Variants in RIMKLB observed in about 807,000 individuals in gnomAD.
The protein encoded by RIMKLB is ribosomal modification protein rimK like family member B.
In RIMKLB, 7 loss-of-function variants were observed where a neutral mutation model predicts 32.0. That is an observed-to-expected ratio of 0.22 (90% CI 0.12 to 0.41). The LOEUF (loss-of-function observed/expected upper bound fraction) is 0.41, where lower values mean the gene tolerates loss of function less well. Ranked by LOEUF, RIMKLB falls within the 10% of genes least tolerant of loss-of-function variation. The pLI is 1.00. For missense variants in RIMKLB, 289 were observed against 498.7 expected, an observed-to-expected ratio of 0.58 and a Z score of 4.00; for synonymous variants, 172 against 185.1, an observed-to-expected ratio of 0.93 and a Z score of 0.57.
rs1950631948 is a variant in RIMKLB at position 8,774,821 on chromosome 12, T to C, written c.*1037T>C. The C allele has an allele frequency of 1.0e-6, 1 of 985,624 alleles. No individual in the cohort carries two copies. Among genetic ancestry groups the C allele is most frequent in the Non-Finnish European group, 1.2e-6 (1 of 829,906 alleles). The allele number at this position is 985,624 out of a possible 1,614,324, so 61.1% of individuals were successfully genotyped here. On this transcript the variant is annotated 3_prime_UTR_variant, in exon 6 of 6. Transcript: ENST00000535829. Reference sequence around the variant, plus strand: ...AGTTCTAAGTATAAAGCTGAAGTGATTTCGAATGCCAGCGTTATATATTTG... The same window carrying C: ...AGTTCTAAGTATAAAGCTGAAGTGACTTCGAATGCCAGCGTTATATATTTG...
At chr12:8,714,642 T>C (rs573413264) in intron 2 of RIMKLB, among the ~76,000 whole-genome samples, 1 of 152,160 alleles carries the variant, frequency 6.6e-6, no homozygotes, top group Non-Finnish European at 1.5e-5. Context: ...TTTTAATATT[T>C]CATATTTGTT....
Position 8,713,907 on chromosome 12 carries a change from A to G in RIMKLB, c.41A>G (p.Asp14Gly). The G allele has an allele frequency of 6.2e-7, 1 of 1,614,170 alleles. No individual in the cohort carries two copies. Among genetic ancestry groups the G allele is most frequent in the South Asian group, 1.1e-5 (1 of 91,080 alleles). The part of the protein sequence containing the change: ...SVAAKLWFLT[D>G]RRIREDYPQK... ...GCTGCCAAGTTGTGGTTTTTGACAG[A>G]TCGTCGCATCAGGGAAGACTATCCT... The change falls in exon 2 of 6, where the codon GAT becomes GGT. Residue 14 changes from aspartate to glycine, a missense_variant. By Grantham distance (94) the Asp-to-Gly change is moderately conservative (BLOSUM62 -1). Around this residue, in one of 3 missense-constraint regions of RIMKLB, gnomAD observed 34 missense variants for 35.3 expected, o/e 0.96. Coordinates refer to ENST00000535829, the MANE Select transcript of RIMKLB (RefSeq NM_001297776.2).
downstream of RIMKLB, among the ~76,000 whole-genome samples, chr12:8,778,083 AT>A (rs1249242919): frequency 6.6e-6 from 1 of 151,994 alleles, no homozygotes; most frequent in Non-Finnish European, 1.5e-5. Context: ...CAGAGTGTGA[AT>A]TTTTTGGCTT....
intron 1 of RIMKLB, 142 bp downstream of exon 1, chr12:8,698,439 G>T (rs1040254994): frequency 6.4e-6 from 1 of 155,862 alleles, no homozygotes; most frequent in African/African-American, 2.4e-5. Flanking sequence ...GCGCGCCCGG[G>T]GTCCGGGGCT....
rs1379762581 is a variant in RIMKLB, at chr12:8,714,206, TTTA to T, written c.175+169_175+171del. On this transcript the variant is annotated intron_variant, in intron 2 of 5. Coordinates refer to ENST00000535829, the MANE Select transcript of RIMKLB (RefSeq NM_001297776.2). ...TATGAAAGTAATATAAACACTAATA[TTTA>T]TTAACTTTATTAGGAAACAGTTGTG... 5.4e-6 allele frequency: 3 copies of T among 553,040 alleles called. No homozygotes were observed. In the East Asian group the frequency reaches 9.2e-5, roughly 17 times the overall value. 34.3% of individuals were successfully genotyped at this position (553,040 alleles called of 1,614,324 possible). A position where few individuals can be genotyped will look rare whatever the true frequency, so the allele number is the denominator to read the frequency against.
At chr12:8,673,875 G>A in the RIMKLB span, among the ~76,000 whole-genome samples, 99 of 152,042 alleles carry the variant, frequency 6.5e-4, 2 homozygotes, top group Non-Finnish European at 1.2e-3. Context: ...GGGATTACAG[G>A]AGTGAGCCAC....
intron 2 of RIMKLB, among the ~76,000 whole-genome samples, chr12:8,744,386 C>T (rs1245721283): frequency 1.3e-5 from 2 of 151,870 alleles, no homozygotes; most frequent in East Asian, 3.8e-4. Flanking sequence ...AACAGATAGG[C>T]TGTTTATACT....
At chr12:8,673,030 C>T in the RIMKLB span, among the ~76,000 whole-genome samples, 2 of 151,998 alleles carry the variant, frequency 1.3e-5, no homozygotes, top group South Asian at 2.1e-4. Context: ...TACAGGTGCC[C>T]GCCACCATGC....
chr12:8,755,306 G>T (rs1385427111), intron 5 of RIMKLB, among the ~76,000 whole-genome samples: 1 of 149,498 alleles, frequency 6.7e-6, no homozygotes, highest in Non-Finnish European at 1.5e-5. Context: ...TCCCTATGTT[G>T]CTCAGGCTGG....
At position 8,776,352 on chromosome 12, in the gene RIMKLB, G is replaced by A; in HGVS notation, c.*2568G>A. 1 of 983,048 alleles carries A rather than the reference G, an allele frequency of 1.0e-6. No homozygotes were observed. The highest frequency in any genetic ancestry group is 1.2e-6 in the Non-Finnish European group (1 of 827,782). The allele number at this position is 983,048 out of a possible 1,614,324, so 60.9% of individuals were successfully genotyped here. On this transcript the variant is annotated 3_prime_UTR_variant, in exon 6 of 6. Coordinates refer to ENST00000535829, the MANE Select transcript of RIMKLB (RefSeq NM_001297776.2). ...CTTCTTGAATTCCTTCAAGATTGAG[G>A]TAGAGAATAAGAGCAAATCATTCTG...
At chr12:8,673,499 A>G in the RIMKLB span, among the ~76,000 whole-genome samples, 1 of 152,030 alleles carries the variant, frequency 6.6e-6, no homozygotes, top group African/African-American at 2.4e-5. Flanking sequence ...CTGAATGGCT[A>G]GTTGGTGCTA....
Position 8,773,883 on chromosome 12 carries a change from G to A in RIMKLB, c.*99G>A. 6 of 1,467,270 alleles carry A rather than the reference G, an allele frequency of 4.1e-6. No homozygotes were observed. The highest frequency in any genetic ancestry group is 4.5e-6 in the Non-Finnish European group (5 of 1,111,362). 90.9% of individuals were successfully genotyped at this position (1,467,270 alleles called of 1,614,324 possible). A position where few individuals can be genotyped will look rare whatever the true frequency, so the allele number is the denominator to read the frequency against. Reference sequence around the variant, plus strand: ...AATGCTGTTCATGGAGGATGCTCAGGAAGATGAGAGAAAATTAGTAGGATT... The same window carrying A: ...AATGCTGTTCATGGAGGATGCTCAGAAAGATGAGAGAAAATTAGTAGGATT... On this transcript the variant is annotated 3_prime_UTR_variant, in exon 6 of 6. Coordinates refer to ENST00000535829, the MANE Select transcript of RIMKLB (RefSeq NM_001297776.2).
At chr12:8,713,054 C>CT (rs1944514640) in intron 1 of RIMKLB, among the ~76,000 whole-genome samples, 1 of 152,014 alleles carries the variant, frequency 6.6e-6, no homozygotes, top group Non-Finnish European at 1.5e-5. Context: ...AAAAAAAGTC[C>CT]TTTTTTGCAT....
chr12:8,759,371 G>A (rs1035122482), intron 5 of RIMKLB, among the ~76,000 whole-genome samples: 20 of 152,100 alleles, frequency 1.3e-4, no homozygotes, highest in Non-Finnish European at 1.3e-4. Context: ...CTTCAGCCTG[G>A]GCAACAGAGC....
At chr12:8,760,878 C>T (rs1395473681) in intron 5 of RIMKLB, among the ~76,000 whole-genome samples, 2 of 151,946 alleles carry the variant, frequency 1.3e-5, no homozygotes, top group East Asian at 1.9e-4. Context: ...AAATTTTCTC[C>T]CATTCTGTAG....
Sources: gnomAD v4.1 joint callset for allele counts (sites outside exome capture counted in the v4.1 genomes callset) on GRCh38, gnomAD v4.1.1 for gene constraint, gnomAD v4.1.1 regional missense constraint, MANE v1.5 for transcripts, NCBI Gene and HGNC (gene_info 2026-07-23, HGNC 2026-07-21) for gene names.